Variants in DOK6 observed in about 807,000 individuals in gnomAD.
DOK6 encodes the protein docking protein 6.
In DOK6, 22 loss-of-function variants were observed where a neutral mutation model predicts 44.0. The ratio of observed to expected loss-of-function variants is 0.50; its 90% CI spans 0.36 to 0.71. The LOEUF is 0.71. Among genes scored for constraint, DOK6 ranks in the 30% least tolerant of loss-of-function variants. DOK6 has a pLI of 0.00. For missense variants in DOK6, 340 were observed against 416.4 expected (o/e 0.82, Z 1.60); for synonymous variants, 166 against 145.5 (o/e 1.14, Z -1.01).
At chr18:69,828,221 A>G (rs1473253756) in intron 7 of DOK6, among the ~76,000 whole-genome samples, 1 of 151,858 alleles carries the variant, frequency 6.6e-6, no homozygotes, top group Non-Finnish European at 1.5e-5. Flanking sequence ...ATTTTTCATT[A>G]TATTTTCCCA....
At position 69,591,929 on chromosome 18, in the gene DOK6, A is replaced by G. The variant is rs1479921431; in HGVS notation, c.175-7455A>G. Among the ~76,000 whole-genome samples the G allele has an allele frequency of 3.3e-5, 5 of 152,154 alleles. No homozygotes were observed. The East Asian group carries it at 9.6e-4, about 29-fold the overall frequency. On this transcript the variant is annotated intron_variant, in intron 2 of 7. Coordinates refer to ENST00000382713, the MANE Select transcript of DOK6 (RefSeq NM_152721.6). ...CATATGTTCTTAATCAAAAGAATAT[A>G]TTAAACAGATTAAACTCAGAAGCAG...
rs181596280 is a variant in DOK6 at position 69,692,796 on chromosome 18, T to A, written c.410-5608T>A. On this transcript the variant is annotated intron_variant, in intron 4 of 7. Coordinates refer to ENST00000382713, the MANE Select transcript of DOK6 (RefSeq NM_152721.6). ...AATGAAAAAATATGTAAACAAATTA[T>A]CCAATACTTACAGCTATTTTAAATC... Among the ~76,000 whole-genome samples, 688 of 152,364 alleles carry A rather than the reference T, an allele frequency of 4.5e-3. 6 individuals carry two copies. The highest frequency in any genetic ancestry group is 0.016 in the African/African-American group (660 of 41,584).
chr18:69,831,399 T>A (rs908100542), intron 7 of DOK6, among the ~76,000 whole-genome samples: 1 of 152,188 alleles, frequency 6.6e-6, no homozygotes, highest in Non-Finnish European at 1.5e-5. Flanking sequence ...AGAAATAATG[T>A]TTCACCAGCT....
At chr18:69,514,832 C>CACATAT (rs1555708938) in intron 1 of DOK6, among the ~76,000 whole-genome samples, 3 of 91,352 alleles carry the variant, frequency 3.3e-5, no homozygotes, top group African/African-American at 9.6e-5. Context: ...TAAAGCTCTC[C>CACATAT]ATATATATTT....
intron 1 of DOK6, among the ~76,000 whole-genome samples, chr18:69,495,708 A>G (rs181348350): frequency 2.6e-3 from 395 of 152,222 alleles, no homozygotes; most frequent in African/African-American, 8.8e-3. Flanking sequence ...CTGCCCAGGT[A>G]CCTGTCTGCC....
intron 3 of DOK6, among the ~76,000 whole-genome samples, chr18:69,653,784 T>C (rs928317849): frequency 9.2e-5 from 14 of 152,332 alleles, no homozygotes; most frequent in African/African-American, 3.1e-4. Flanking sequence ...TGGGCAGAGA[T>C]AAACATCATT....
At chr18:69,480,839 T>C (rs1363935425) in intron 1 of DOK6, among the ~76,000 whole-genome samples, 3 of 152,138 alleles carry the variant, frequency 2.0e-5, no homozygotes, top group Admixed American at 2.0e-4. Flanking sequence ...GGTTTTACTT[T>C]TCGGGCAATG....
At chr18:69,584,839 T>C (rs4371259) in intron 2 of DOK6, among the ~76,000 whole-genome samples, 3,921 of 152,212 alleles carry the variant, frequency 0.026, 59 homozygotes, top group South Asian at 0.062. Flanking sequence ...AGTCTTTTAA[T>C]TGATGTTTTT....
chr18:69,779,032 T>C (rs571883514), intron 7 of DOK6, among the ~76,000 whole-genome samples: 5 of 152,314 alleles, frequency 3.3e-5, no homozygotes, highest in African/African-American at 1.2e-4. Context: ...AAAATGATTT[T>C]AATATACAAA....
intron 1 of DOK6, among the ~76,000 whole-genome samples, chr18:69,408,331 T>C (rs2122385664): frequency 6.6e-6 from 1 of 152,230 alleles, no homozygotes; most frequent in East Asian, 1.9e-4. Flanking sequence ...AGTGAAATAA[T>C]TTATGTCACA....
chr18:69,684,606 A>G (rs1293720854), intron 4 of DOK6, among the ~76,000 whole-genome samples: 1 of 152,192 alleles, frequency 6.6e-6, no homozygotes, highest in East Asian at 1.9e-4. Flanking sequence ...AGTTTTATGG[A>G]AAATAAGAAA....
At chr18:69,457,139 G>A (rs1301225066) in intron 1 of DOK6, among the ~76,000 whole-genome samples, 2 of 152,090 alleles carry the variant, frequency 1.3e-5, no homozygotes, top group Non-Finnish European at 2.9e-5. Context: ...CTGTGTGAAT[G>A]TTCTTTATTT....
chr18:69,560,931 T>C (rs956824172), intron 1 of DOK6, among the ~76,000 whole-genome samples: 5 of 119,820 alleles, frequency 4.2e-5, no homozygotes, highest in Non-Finnish European at 5.5e-5. Context: ...ATGCTTTCTA[T>C]TTAAAAAATT....
chr18:69,590,835 G>A (rs1441021547), intron 2 of DOK6, among the ~76,000 whole-genome samples: 1 of 152,142 alleles, frequency 6.6e-6, no homozygotes, highest in Non-Finnish European at 1.5e-5. Flanking sequence ...ATAGGTAGGA[G>A]AATGTTCAAG....
At chr18:69,836,941 A>G (rs1286717871) in intron 7 of DOK6, among the ~76,000 whole-genome samples, 1 of 152,206 alleles carries the variant, frequency 6.6e-6, no homozygotes, top group Non-Finnish European at 1.5e-5. Flanking sequence ...TCATATATAG[A>G]GTACTGACTG....
intron 1 of DOK6, among the ~76,000 whole-genome samples, chr18:69,550,248 A>G (rs1033921698): frequency 6.6e-6 from 1 of 152,158 alleles, no homozygotes; most frequent in Middle Eastern, 3.2e-3. Flanking sequence ...ACAACCTTCC[A>G]TACATTTTCA....
intron 2 of DOK6, among the ~76,000 whole-genome samples, chr18:69,584,562 G>T (rs1471384636): frequency 6.6e-6 from 1 of 152,136 alleles, no homozygotes; most frequent in African/African-American, 2.4e-5. Context: ...AAAGTGCTGG[G>T]ATTACAGGAG....
At position 69,463,499 on chromosome 18, in the gene DOK6, T is replaced by C. The variant is rs556476487; in HGVS notation, c.66+62189T>C. Among the ~76,000 whole-genome samples, 5 of 152,242 alleles carry C rather than the reference T, an allele frequency of 3.3e-5. No homozygotes were observed. In the South Asian group the frequency reaches 1.0e-3, roughly 32 times the overall value. ...TCCATATCATCTCCCCTTAGGAATGTTTTCTTTTATGCAAAACACTAGTTT... is the reference window on the plus strand; with the variant it reads ...TCCATATCATCTCCCCTTAGGAATGCTTTCTTTTATGCAAAACACTAGTTT... On this transcript the variant is annotated intron_variant, in intron 1 of 7. Transcript: ENST00000382713.
intron 4 of DOK6, among the ~76,000 whole-genome samples, chr18:69,686,692 A>G (rs1162361861): frequency 6.6e-6 from 1 of 152,066 alleles, no homozygotes; most frequent in African/African-American, 2.4e-5. Flanking sequence ...GATGAAGATA[A>G]TTAAAATATA....
Sources: gnomAD v4.1 joint callset for allele counts (sites outside exome capture counted in the v4.1 genomes callset) on GRCh38, gnomAD v4.1.1 for gene constraint, MANE v1.5 for transcripts, NCBI Gene and HGNC (gene_info 2026-07-23, HGNC 2026-07-21) for gene names.